The following LYST variants were observed in gnomAD, a reference collection of about 807,000 sequenced individuals.
The protein encoded by LYST is lysosomal-trafficking regulator.
In LYST, 192 loss-of-function variants were observed where a neutral mutation model predicts 413.6. The ratio of observed to expected loss-of-function variants is 0.46; its 90% CI spans 0.41 to 0.52. The LOEUF is 0.52. Ranked by LOEUF, LYST falls within the 20% of genes least tolerant of loss-of-function variation. The pLI, the probability that LYST is intolerant of heterozygous loss-of-function variation, is 0.00. For synonymous variants in LYST, 1,525 were observed against 1,567.3 expected (o/e 0.97, Z 0.64); for missense variants, 3,815 against 4,499.9 (o/e 0.85, Z 4.35).
chr1:235,750,938 A>G (rs111557197), intron 28 of LYST, among the ~76,000 whole-genome samples: 2 of 151,992 alleles, frequency 1.3e-5, no homozygotes, highest in Admixed American at 6.6e-5. Flanking sequence ...CTATTTTACA[A>G]TCTCTGCAGG....
At chr1:235,786,307 T>G (rs2103499127) in intron 14 of LYST, among the ~76,000 whole-genome samples, 1 of 152,260 alleles carries the variant, frequency 6.6e-6, no homozygotes, top group South Asian at 2.1e-4. Flanking sequence ...AGTTAAAGTA[T>G]AGTAAATTTT....
chr1:235,828,257 T>C (rs1675558041), intron 3 of LYST: 1 of 591,900 alleles, frequency 1.7e-6, no homozygotes, highest in African/African-American at 2.0e-5. Context: ...AGTGTTTGCT[T>C]AGGGGTAGGG....
chr1:235,706,307 C>A (rs1055941430), intron 44 of LYST, among the ~76,000 whole-genome samples: 21 of 152,262 alleles, frequency 1.4e-4, no homozygotes, highest in Middle Eastern at 3.4e-3. Context: ...TTAGGAGTTA[C>A]CCTCCCTATA....
chr1:235,764,878 A>G (rs1257957948), intron 21 of LYST, among the ~76,000 whole-genome samples: 5 of 152,078 alleles, frequency 3.3e-5, no homozygotes, highest in African/African-American at 9.7e-5. Context: ...GCTTTCTTGT[A>G]GGTACATTCT....
chr1:235,694,234 C>T (rs933868840), intron 46 of LYST, among the ~76,000 whole-genome samples: 27 of 151,862 alleles, frequency 1.8e-4, no homozygotes, highest in Non-Finnish European at 1.6e-4. Flanking sequence ...AGGCTGGTCT[C>T]GAACTCCTGA....
intron 44 of LYST, among the ~76,000 whole-genome samples, chr1:235,705,392 A>T (rs13375045): frequency 0.032 from 4,805 of 149,868 alleles, 225 homozygotes; most frequent in African/African-American, 0.11. Flanking sequence ...ACTTTTTTTT[A>T]AAAAAAAAAT....
chr1:235,878,727 G>A (rs1321970740), intron 1 of LYST, among the ~76,000 whole-genome samples: 1 of 152,152 alleles, frequency 6.6e-6, no homozygotes, highest in Non-Finnish European at 1.5e-5. Context: ...AGGTCTAATA[G>A]GAGAGCAAGG....
At chr1:235,742,614 T>C (rs1665533740) in intron 30 of LYST, among the ~76,000 whole-genome samples, 1 of 150,866 alleles carries the variant, frequency 6.6e-6, no homozygotes, top group Non-Finnish European at 1.5e-5. Flanking sequence ...AAAGAAGACA[T>C]GGACAACGAA....
At chr1:235,684,782 C>T (rs1484825483) in intron 48 of LYST, among the ~76,000 whole-genome samples, 2 of 151,878 alleles carry the variant, frequency 1.3e-5, no homozygotes, top group East Asian at 1.9e-4. Flanking sequence ...CCATGCCTGA[C>T]CAATTTTTTT....
At chr1:235,868,239 T>C (rs1224756574), upstream of LYST, among the ~76,000 whole-genome samples, 1 of 152,056 alleles carries the variant, frequency 6.6e-6, no homozygotes, top group African/African-American at 2.4e-5. Flanking sequence ...TGGCCGGATA[T>C]CGGCTCACTG....
At chr1:235,844,760 G>A (rs1677598476) in intron 1 of LYST, among the ~76,000 whole-genome samples, 1 of 144,594 alleles carries the variant, frequency 6.9e-6, no homozygotes, top group Admixed American at 6.9e-5. Flanking sequence ...GGGGGAAGGG[G>A]ACCAAAGAGG....
rs1664637784 is a variant in LYST, at chr1:235,734,368, A to C, written c.8535+115T>G. ...TATAGTATATAGGAAAAATAAAATA[A>C]AATAATCATTTCAAGTTCATCATCA... is the stretch of plus-strand genomic sequence containing the variant. On this transcript the variant is annotated intron_variant, in intron 32 of 52. Transcript: ENST00000389793. The C allele has an allele frequency of 4.5e-6, 4 of 881,928 alleles. No individual in the cohort carries two copies. The Admixed American group carries it at 7.5e-5, about 16-fold the overall frequency. The allele number at this position is 881,928 out of a possible 1,614,324, so 54.6% of individuals were successfully genotyped here.
chr1:235,843,371 G>A (rs1351743298), intron 1 of LYST, among the ~76,000 whole-genome samples: 1 of 152,136 alleles, frequency 6.6e-6, no homozygotes, highest in East Asian at 1.9e-4. Flanking sequence ...TGACAGTAGT[G>A]AAATAGGACC....
Position 235,805,869 on chromosome 1 carries a change from C to T in LYST, c.3267G>A (p.Lys1089=), listed in dbSNP as rs1168821680. 1.2e-6 allele frequency: 2 copies of T among 1,613,674 alleles called. No homozygotes were observed. Among genetic ancestry groups the T allele is most frequent in the Admixed American group, 3.3e-5 (2 of 59,944 alleles). The stretch of plus-strand genomic sequence containing the variant: ...TCTCACTTTCTTGACTTGTAAATAG[C>T]TTTGCTTCCTCGGGAGCGGCTTCAG... ...SATEAAPEEA[K]LFTSQESETS... Residue 1089 remains lysine, a synonymous_variant, in exon 6 of 53, where the codon AAG becomes AAA. Coordinates refer to ENST00000389793, the MANE Select transcript of LYST (RefSeq NM_000081.4).
rs140821981 is a variant in LYST at position 235,809,821 on chromosome 1, G to A, written c.997C>T (p.His333Tyr). The A allele has an allele frequency of 2.7e-5, 43 of 1,613,976 alleles. No homozygotes were observed. In the African/African-American group the frequency reaches 5.5e-4, roughly 21 times the overall value. Residue 333 changes from histidine (H) to tyrosine (Y), a missense_variant, in exon 5 of 53, where the codon CAT becomes TAT. Transcript: ENST00000389793. The surrounding 1 kb of genome is among the most constrained non-coding windows in gnomAD (Gnocchi z 4.0). Reference protein sequence around the residue: ...IQRMLFRTVLHLLSVDVSTAE... With the variant: ...IQRMLFRTVLYLLSVDVSTAE... ...GTACTAACATCTACTGACAGAAGAT[G>A]CAACACTGTTCGAAAGAGCATCCTT...
At chr1:235,867,895 A>T (rs891856457), upstream of LYST, among the ~76,000 whole-genome samples, 1 of 152,128 alleles carries the variant, frequency 6.6e-6, no homozygotes, top group South Asian at 2.1e-4. Flanking sequence ...AACTCCCATA[A>T]TTTTTTGCAC....
rs748106874 is a variant in LYST, at chr1:235,751,252, C to G, written c.7738G>C (p.Ala2580Pro). Residue 2580 changes from alanine (A) to proline (P), a missense_variant, in exon 28 of 53, where the codon GCT becomes CCT. Ala to Pro is a conservative substitution (Grantham distance 27). This residue lies in a region of LYST where 771 missense variants were observed against 837.1 expected (regional missense o/e 0.92). Coordinates refer to ENST00000389793, the MANE Select transcript of LYST (RefSeq NM_000081.4). ...TTTTGAACTACTGCATGATGGGGAG[C>G]AGAAGGTGACTGGAGTGAATCTGTG... ...NLTDSLQSPS[A>P]PHHAVVQKRK... 1.2e-6 allele frequency: 2 copies of G among 1,613,730 alleles called. No homozygotes were observed. The highest frequency in any genetic ancestry group is 1.7e-6 in the Non-Finnish European group (2 of 1,179,750).
intron 1 of LYST, among the ~76,000 whole-genome samples, chr1:235,882,337 G>A (rs1468983874): frequency 6.6e-6 from 1 of 152,244 alleles, no homozygotes; most frequent in Non-Finnish European, 1.5e-5. Flanking sequence ...TGCAGGTGAT[G>A]AAGCTGCAAT....
intron 1 of LYST, among the ~76,000 whole-genome samples, chr1:235,880,374 T>C (rs1364501504): frequency 6.6e-6 from 1 of 152,222 alleles, no homozygotes; most frequent in African/African-American, 2.4e-5. Context: ...GGTTGTAAGA[T>C]GTACAAGTAA....
Sources: gnomAD v4.1 joint callset for allele counts (sites outside exome capture counted in the v4.1 genomes callset) on GRCh38, gnomAD v4.1.1 for gene constraint, gnomAD v4.1.1 regional missense constraint, Gnocchi (gnomAD v3.1) non-coding constraint, MANE v1.5 for transcripts, NCBI Gene and HGNC (gene_info 2026-07-23, HGNC 2026-07-21) for gene names.